The following RIMS1 variants were observed in gnomAD, a reference collection of about 807,000 sequenced individuals.
The protein encoded by RIMS1 is regulating synaptic membrane exocytosis 1.
RIMS1 carries 83 observed loss-of-function variants against 214.1 expected under a neutral mutation model. That is an observed-to-expected ratio of 0.39 (90% confidence interval 0.32 to 0.47). RIMS1 has a LOEUF of 0.47. RIMS1 is among the 20% of genes least tolerant of loss of function. The pLI is 0.99. For missense variants in RIMS1, 2,050 were observed against 2,161.8 expected (o/e 0.95, Z 1.03); for synonymous variants, 793 against 786.8 (o/e 1.01, Z -0.13).
At chr6:72,019,018 C>T (rs1402608418) in intron 2 of RIMS1, among the ~76,000 whole-genome samples, 5 of 152,012 alleles carry the variant, frequency 3.3e-5, no homozygotes, top group Admixed American at 6.6e-5. Flanking sequence ...GACTAAGAGG[C>T]GGCAGTGTGA....
intron 2 of RIMS1, among the ~76,000 whole-genome samples, chr6:72,010,628 A>G (rs951738864): frequency 3.3e-5 from 5 of 152,234 alleles, no homozygotes; most frequent in African/African-American, 4.8e-5. Flanking sequence ...CAACTTCAGC[A>G]AAGTCTCAGG....
At chr6:72,245,706 C>A in intron 10 of RIMS1, 109 bp from the exon 11 acceptor site, 1 of 773,420 alleles carries the variant, frequency 1.3e-6, no homozygotes, top group Non-Finnish European at 2.2e-6. Flanking sequence ...TTCATTTCCA[C>A]ACCTGTAAAG....
intron 29 of RIMS1, among the ~76,000 whole-genome samples, chr6:72,339,285 C>A (rs2096958635): frequency 6.6e-6 from 1 of 151,598 alleles, no homozygotes; most frequent in Non-Finnish European, 1.5e-5. Context: ...TTATTTATAT[C>A]TTTTTTTAAA....
At chr6:72,153,783 A>C (rs1396633179) in intron 4 of RIMS1, among the ~76,000 whole-genome samples, 1 of 152,198 alleles carries the variant, frequency 6.6e-6, no homozygotes, top group Admixed American at 6.5e-5. Context: ...TATCTTCTTA[A>C]ATATTTTGAG....
chr6:71,886,722 C>T lies in RIMS1; in HGVS notation c.-302C>T, dbSNP rs577898637. ...CCTCGCCTCTCCCGCCGCGCCTCCG[C>T]CTGCCCGCCCCCGCCGGCCGAGGCT... On this transcript the variant is annotated 5_prime_UTR_variant, in exon 1 of 34. Coordinates refer to ENST00000521978, the MANE Select transcript of RIMS1 (RefSeq NM_014989.7). 9.6e-4 allele frequency: 178 copies of T among 185,472 alleles called. 2 individuals carry two copies. Among genetic ancestry groups the T allele is most frequent in the South Asian group, 7.3e-3 (44 of 6,026 alleles). 11.5% of individuals were successfully genotyped at this position (185,472 alleles called of 1,614,324 possible). A position where few individuals can be genotyped will look rare whatever the true frequency, so the allele number is the denominator to read the frequency against.
chr6:72,297,619 C>A (rs1208667827), intron 26 of RIMS1, among the ~76,000 whole-genome samples: 4 of 151,882 alleles, frequency 2.6e-5, no homozygotes, highest in Non-Finnish European at 5.9e-5. Context: ...CCCCTCCAAG[C>A]GTTCCTTGGA....
chr6:72,243,605 A>G lies in RIMS1; in HGVS notation c.2081+1168A>G, dbSNP rs138285811. On this transcript the variant is annotated intron_variant, in intron 10 of 33. Coordinates refer to ENST00000521978, the MANE Select transcript of RIMS1 (RefSeq NM_014989.7). ...ATCAAAAGTATGAAAGCTAAAGTTT[A>G]GAATCAAGCATTGTGCACTTGCCAA... Among the ~76,000 whole-genome samples the G allele has an allele frequency of 4.0e-3, 613 of 151,958 alleles. 2 individuals carry two copies. Among genetic ancestry groups the G allele is most frequent in the African/African-American group, 0.012 (514 of 41,558 alleles).
At chr6:72,156,971 T>A (rs1287340902) in intron 4 of RIMS1, among the ~76,000 whole-genome samples, 1 of 140,938 alleles carries the variant, frequency 7.1e-6, no homozygotes, top group Non-Finnish European at 1.6e-5. Flanking sequence ...TTAGAGCAGA[T>A]AATAATCATC....
At chr6:71,900,495 G>T (rs1261310699) in intron 1 of RIMS1, among the ~76,000 whole-genome samples, 10 of 152,120 alleles carry the variant, frequency 6.6e-5, no homozygotes, top group Non-Finnish European at 7.4e-5. Flanking sequence ...AAGTCCTGGG[G>T]CATGTATGTG....
chr6:72,243,456 T>G (rs1410470644), intron 10 of RIMS1, among the ~76,000 whole-genome samples: 1 of 151,798 alleles, frequency 6.6e-6, no homozygotes, highest in Non-Finnish European at 1.5e-5. Context: ...TGCAAAAGTG[T>G]TGTACATTTC....
At chr6:72,139,907 C>T (rs1288873023) in intron 4 of RIMS1, among the ~76,000 whole-genome samples, 5 of 151,902 alleles carry the variant, frequency 3.3e-5, no homozygotes, top group Admixed American at 3.3e-4. Context: ...AATTAAAGGC[C>T]TTAATTTTAC....
At chr6:72,230,649 A>G (rs1180942367) in intron 6 of RIMS1, among the ~76,000 whole-genome samples, 1 of 151,594 alleles carries the variant, frequency 6.6e-6, no homozygotes, top group East Asian at 1.9e-4. Context: ...ATGCCTTGTT[A>G]CATACTCTAA....
At position 72,290,757 on chromosome 6, in the gene RIMS1, T is replaced by C; in HGVS notation, c.3633T>C (p.His1211=). The part of the protein sequence containing the change: ...ATDQPVIRGK[H]PARSRSSEHS... ...ATCAGCCAGTCATTAGGGGAAAACA[T>C]CCTGCTCGCTCAAGGTCGAGTGAGC... is the stretch of plus-strand genomic sequence containing the variant. The change falls in exon 25 of 34, where the codon CAT becomes CAC. Residue 1211 remains histidine (H), a synonymous_variant. Transcript: ENST00000521978. The C allele has an allele frequency of 6.2e-7, 1 of 1,613,790 alleles. No homozygotes were observed. Among genetic ancestry groups the C allele is most frequent in the Non-Finnish European group, 8.5e-7 (1 of 1,179,782 alleles).
chr6:72,362,682 A>G (rs969480197), intron 29 of RIMS1, among the ~76,000 whole-genome samples: 1 of 152,036 alleles, frequency 6.6e-6, no homozygotes, highest in Non-Finnish European at 1.5e-5. Context: ...TCTTTTGACT[A>G]AATTAAAAAT....
At chr6:72,032,127 G>GGT (rs913321529) in intron 2 of RIMS1, among the ~76,000 whole-genome samples, 3 of 151,718 alleles carry the variant, frequency 2.0e-5, no homozygotes, top group South Asian at 2.1e-4. Context: ...GAGAGTGAGA[G>GGT]GTGTGTGTGT....
intron 29 of RIMS1, among the ~76,000 whole-genome samples, chr6:72,373,924 T>C (rs2098295558): frequency 6.6e-6 from 1 of 152,160 alleles, no homozygotes. Context: ...TTTTTTATTT[T>C]TATTTTTTTG....
intron 1 of RIMS1, among the ~76,000 whole-genome samples, chr6:71,946,664 G>T (rs193148358): frequency 6.6e-6 from 1 of 152,072 alleles, no homozygotes; most frequent in Non-Finnish European, 1.5e-5. Context: ...TGTAAGACCT[G>T]AAACTCTAAA....
At chr6:72,347,758 C>T (rs547551917) in intron 29 of RIMS1, among the ~76,000 whole-genome samples, 3 of 151,832 alleles carry the variant, frequency 2.0e-5, no homozygotes, top group Non-Finnish European at 4.4e-5. Flanking sequence ...CTTAATCTGT[C>T]AGTTTGTCTG....
intron 2 of RIMS1, among the ~76,000 whole-genome samples, chr6:72,050,329 TCTC>T (rs1394202587): frequency 2.1e-4 from 32 of 152,208 alleles, no homozygotes; most frequent in African/African-American, 7.7e-4. Context: ...CTGCTGTTAT[TCTC>T]CTACTATGAA....
Sources: allele counts gnomAD v4.1 joint callset (sites outside exome capture counted in the v4.1 genomes callset), GRCh38; gene constraint gnomAD v4.1.1; transcripts MANE v1.5; gene names NCBI Gene and HGNC (gene_info 2026-07-23, HGNC 2026-07-21).